Variants in CRACD observed in about 807,000 individuals in gnomAD.
CRACD encodes the protein capping protein-inhibiting regulator of actin dynamics.
CRACD carries 56 observed loss-of-function variants against 106.8 expected under a neutral mutation model. That is an observed-to-expected ratio of 0.52 (90% CI 0.42 to 0.66). The LOEUF is 0.66. Among genes scored for constraint, CRACD ranks in the 30% least tolerant of loss-of-function variants. The probability of loss-of-function intolerance (pLI) is 0.00; values close to 1 mark genes in which losing one functional copy is unlikely to be tolerated. For missense variants in CRACD, 1,730 were observed against 1,623.2 expected (o/e 1.07, Z -1.13); for synonymous variants, 754 against 670.8 (o/e 1.12, Z -1.92).
At position 56,315,447 on chromosome 4, in the gene CRACD, A is replaced by G. The variant is rs1255441439; in HGVS notation, c.1945A>G (p.Ser649Gly). The change falls in exon 8 of 11, where the codon AGC (serine) becomes GGC (glycine). Residue 649 changes from serine to glycine, a missense_variant. Coordinates refer to ENST00000682029, the MANE Select transcript of CRACD (RefSeq NM_001393381.1). This position sits in a 1 kb window ranked among gnomAD's most constrained non-coding sequence, Gnocchi z 4.1. The stretch of plus-strand genomic sequence containing the variant: ...AGGCCCCGGCGACGCGAGGGCGGGC[A>G]GCGGGAAGGCTAAGCCCCGCCAGGA... The part of the protein sequence containing the change: ...PRGPGDARAG[S>G]GKAKPRQESP... 1.2e-6 allele frequency: 2 copies of G among 1,612,944 alleles called. No individual in the cohort carries two copies. The highest frequency in any genetic ancestry group is 8.5e-7 in the Non-Finnish European group (1 of 1,179,762).
chr4:56,107,609 C>T (rs1161861630), intron 1 of CRACD, among the ~76,000 whole-genome samples: 2 of 152,184 alleles, frequency 1.3e-5, no homozygotes, highest in Admixed American at 6.5e-5. Context: ...AGGGCTACCC[C>T]ATGGAGTGGC....
At chr4:56,193,529 C>T (rs962493179) in intron 2 of CRACD, among the ~76,000 whole-genome samples, 1 of 152,180 alleles carries the variant, frequency 6.6e-6, no homozygotes, top group Non-Finnish European at 1.5e-5. Flanking sequence ...AGATTTTCTT[C>T]CTTCCCAAAT....
intron 1 of CRACD, among the ~76,000 whole-genome samples, chr4:56,057,368 G>GT (rs1177435408): frequency 6.6e-6 from 1 of 152,194 alleles, no homozygotes; most frequent in Non-Finnish European, 1.5e-5. Flanking sequence ...TGCCTGTTAG[G>GT]TGTTTACTAG....
At chr4:56,122,952 A>G (rs1734539532) in intron 1 of CRACD, among the ~76,000 whole-genome samples, 1 of 152,226 alleles carries the variant, frequency 6.6e-6, no homozygotes, top group Non-Finnish European at 1.5e-5. Flanking sequence ...ACGATGGAAC[A>G]TAATGTTTCC....
chr4:56,231,229 C>T (rs1349501500), intron 2 of CRACD, among the ~76,000 whole-genome samples: 1 of 152,048 alleles, frequency 6.6e-6, no homozygotes, highest in African/African-American at 2.4e-5. Context: ...CTGTTTAACC[C>T]TAGAATATAG....
At position 56,327,998 on chromosome 4, in the gene CRACD, G is replaced by A. The variant is rs1746570659; in HGVS notation, c.*194G>A. 5.8e-6 allele frequency: 3 copies of A among 518,130 alleles called. No homozygotes were observed. The South Asian group carries it at 8.3e-5, about 14-fold the overall frequency. 32.1% of individuals were successfully genotyped at this position (518,130 alleles called of 1,614,324 possible). A position where few individuals can be genotyped will look rare whatever the true frequency, so the allele number is the denominator to read the frequency against. On this transcript the variant is annotated 3_prime_UTR_variant, in exon 11 of 11. Transcript: ENST00000682029. ...TGGATTTGCACAACCCTAGGTCCTG[G>A]TGCCTCGAGCTCCTCCTAGTTCTCA...
chr4:56,304,542 C>T (rs1193534444), intron 4 of CRACD, among the ~76,000 whole-genome samples: 7 of 152,048 alleles, frequency 4.6e-5, no homozygotes, highest in Non-Finnish European at 7.4e-5. Context: ...CTTCGGGAGG[C>T]GGAGGCAGGA....
intron 9 of CRACD, among the ~76,000 whole-genome samples, chr4:56,323,811 T>C (rs546061641): frequency 6.6e-6 from 1 of 152,248 alleles, no homozygotes; most frequent in Non-Finnish European, 1.5e-5. Flanking sequence ...AACAGTGATA[T>C]ACAAGTTACA....
intron 4 of CRACD, among the ~76,000 whole-genome samples, chr4:56,306,273 T>C: frequency 6.6e-6 from 1 of 151,996 alleles, no homozygotes; most frequent in Non-Finnish European, 1.5e-5. Flanking sequence ...GTGGGCGGAT[T>C]GCTTGAGACC....
At chr4:56,150,466 A>T (rs1735542242) in intron 1 of CRACD, among the ~76,000 whole-genome samples, 1 of 152,188 alleles carries the variant, frequency 6.6e-6, no homozygotes, top group Non-Finnish European at 1.5e-5. Context: ...ATGAGCCCTC[A>T]TGGAGCCACT....
chr4:56,144,994 G>A (rs1030023030), intron 1 of CRACD, among the ~76,000 whole-genome samples: 1 of 152,080 alleles, frequency 6.6e-6, no homozygotes, highest in Non-Finnish European at 1.5e-5. Context: ...TGCCATGTTG[G>A]CCAGGCTGGT....
At chr4:56,235,027 A>G (rs1739881698) in intron 2 of CRACD, among the ~76,000 whole-genome samples, 1 of 152,204 alleles carries the variant, frequency 6.6e-6, no homozygotes, top group Non-Finnish European at 1.5e-5. Context: ...CATGTTTTCA[A>G]CAGTTCATTG....
Position 56,089,809 on chromosome 4 carries a change from G to A in CRACD, c.-336+40510G>A, listed in dbSNP as rs187535728. ...ATTACAGGCATGAGCCACCGTGCCT[G>A]GCTATAGGATTTTATGGTCTGTGAC... On this transcript the variant is annotated intron_variant, in intron 1 of 10. Transcript: ENST00000682029. Among the ~76,000 whole-genome samples the A allele has an allele frequency of 8.7e-3, 1,321 of 152,144 alleles. 5 individuals carry two copies. The highest frequency in any genetic ancestry group is 0.014 in the Non-Finnish European group (969 of 67,990).
rs1746687229 is a variant in CRACD at position 56,329,713 on chromosome 4, T to G, written c.*1909T>G. 3.3e-5 allele frequency among the ~76,000 whole-genome samples: 5 copies of G among 152,184 alleles called. No homozygotes were observed. The highest frequency in any genetic ancestry group is 3.3e-4 in the Admixed American group (5 of 15,280). ...ATGATTTCCTCACTAATATAACACT[T>G]TTTAATGGGAATCTTTCCACCTACA... On this transcript the variant is annotated 3_prime_UTR_variant, in exon 11 of 11. Transcript: ENST00000682029.
chr4:56,147,207 A>C (rs1267711624), intron 1 of CRACD, among the ~76,000 whole-genome samples: 1 of 152,198 alleles, frequency 6.6e-6, no homozygotes, highest in African/African-American at 2.4e-5. Flanking sequence ...ACATAATTAG[A>C]TAAGCGAGCA....
At chr4:56,237,231 A>G (rs918522922) in intron 2 of CRACD, among the ~76,000 whole-genome samples, 3 of 152,188 alleles carry the variant, frequency 2.0e-5, no homozygotes, top group Admixed American at 6.5e-5. Context: ...TATATATAAT[A>G]AAATGAAGAA....
At chr4:56,155,912 A>G (rs563731817) in intron 1 of CRACD, among the ~76,000 whole-genome samples, 2 of 152,286 alleles carry the variant, frequency 1.3e-5, no homozygotes, top group East Asian at 1.9e-4. Context: ...TGCCTTTGGA[A>G]TCAGCATTCT....
chr4:56,210,731 C>CT (rs1419455368), intron 2 of CRACD, among the ~76,000 whole-genome samples: 1 of 152,160 alleles, frequency 6.6e-6, no homozygotes, highest in Non-Finnish European at 1.5e-5. Context: ...ATGTAAATTT[C>CT]TTTTACAAAA....
At chr4:56,211,149 T>G (rs764757562) in intron 2 of CRACD, among the ~76,000 whole-genome samples, 6 of 152,222 alleles carry the variant, frequency 3.9e-5, no homozygotes, top group African/African-American at 7.2e-5. Flanking sequence ...TAAATGACCT[T>G]TAGTAAGATT....
Sources: allele counts gnomAD v4.1 joint callset (sites outside exome capture counted in the v4.1 genomes callset), GRCh38; gene constraint gnomAD v4.1.1; non-coding constraint Gnocchi (gnomAD v3.1); transcripts MANE v1.5; gene names NCBI Gene and HGNC (gene_info 2026-07-23, HGNC 2026-07-21).